The following MTOR variants were observed in gnomAD, a reference collection of about 807,000 sequenced individuals.
The protein encoded by MTOR is mechanistic target of rapamycin kinase, also known as serine/threonine-protein kinase mTOR.
A neutral mutation model predicts 319.8 loss-of-function variants in MTOR; 70 were observed. The observed-to-expected ratio is 0.22, with a 90% CI of 0.18 to 0.27. MTOR has a LOEUF of 0.27. Ranked by LOEUF, MTOR falls within the 10% of genes least tolerant of loss-of-function variation. The pLI, the probability that MTOR is intolerant of heterozygous loss-of-function variation, is 1.00. For synonymous variants in MTOR, 1,183 were observed against 1,211.4 expected (o/e 0.98, Z 0.49); for missense variants, 1,890 against 3,274.4 (o/e 0.58, Z 10.32).
At chr1:11,252,190 C>T (rs1025996347) in intron 6 of MTOR, among the ~76,000 whole-genome samples, 1 of 152,084 alleles carries the variant, frequency 6.6e-6, no homozygotes, top group Non-Finnish European at 1.5e-5. Flanking sequence ...GTTATAACAC[C>T]TTATACAAAG....
intron 26 of MTOR, 121 bp downstream of exon 26, chr1:11,204,440 A>T (rs1646074718): frequency 7.6e-7 from 1 of 1,322,350 alleles, no homozygotes; most frequent in Non-Finnish European, 1.0e-6. Flanking sequence ...CTTTCTTTGT[A>T]TCCCACAAAA....
rs777896603 is a variant in MTOR at position 11,127,040 on chromosome 1, C to A, written c.6321G>T (p.Val2107=). The change falls in exon 45 of 58, where the codon GTG becomes GTT. Residue 2107 remains valine, a synonymous_variant. Coordinates refer to ENST00000361445, the MANE Select transcript of MTOR (RefSeq NM_004958.4). The surrounding 1 kb of genome is among the most constrained non-coding windows in gnomAD (Gnocchi z 5.5). ...GCAGCTGCTTTGAGATTCGTCGGAA[C>A]ACATGATAATAGAGGTCCCAGGCTT... The part of the protein sequence containing the change: ...LTQAWDLYYH[V]FRRISKQLPQ... 1 of 1,614,196 alleles carries A rather than the reference C, an allele frequency of 6.2e-7. No individual in the cohort carries two copies. Among genetic ancestry groups the A allele is most frequent in the East Asian group, 2.2e-5 (1 of 44,888 alleles).
chr1:11,198,566 T>C (rs1258714730), intron 28 of MTOR, among the ~76,000 whole-genome samples: 2 of 152,202 alleles, frequency 1.3e-5, no homozygotes, highest in African/African-American at 2.4e-5. Flanking sequence ...CCATTTAGCA[T>C]TCACATGAAG....
rs77462119 is a variant in MTOR, at chr1:11,124,386, C to A, written c.6662+112G>T. 2,884 of 1,381,642 alleles carry A rather than the reference C, an allele frequency of 2.1e-3. 58 individuals carry two copies. In the African/African-American group the frequency reaches 0.038, roughly 18 times the overall value. 85.6% of individuals were successfully genotyped at this position (1,381,642 alleles called of 1,614,324 possible). On this transcript the variant is annotated intron_variant, in intron 47 of 57. Coordinates refer to ENST00000361445, the MANE Select transcript of MTOR (RefSeq NM_004958.4). Reference sequence around the variant, plus strand: ...TACAGGCATGAGTTACCATGCCTGGCTCCCTAATTTTATAGTTTTTTGTTA... The same window carrying A: ...TACAGGCATGAGTTACCATGCCTGGATCCCTAATTTTATAGTTTTTTGTTA...
intron 28 of MTOR, among the ~76,000 whole-genome samples, chr1:11,173,508 C>A (rs1644889272): frequency 6.6e-6 from 1 of 151,994 alleles, no homozygotes; most frequent in Admixed American, 6.6e-5. Flanking sequence ...GTCTCGAACT[C>A]CTGAGCTCAA....
Position 11,229,850 on chromosome 1 carries a change from G to A in MTOR, c.2780-932C>T, listed in dbSNP as rs995845108. ...AAAGTATCGAGGTGTGGTGGCACAC[G>A]CCTGTAGTCCCAGCTACTTGAGGGG... On this transcript the variant is annotated intron_variant, in intron 18 of 57. Coordinates refer to ENST00000361445, the MANE Select transcript of MTOR (RefSeq NM_004958.4). 4.6e-5 allele frequency among the ~76,000 whole-genome samples: 7 copies of A among 152,084 alleles called. No homozygotes were observed. In the East Asian group the frequency reaches 1.2e-3, roughly 25 times the overall value.
At chr1:11,152,256 A>G (rs1644173581) in intron 30 of MTOR, 1 of 152,224 alleles carries the variant, frequency 6.6e-6, no homozygotes, top group Non-Finnish European at 1.5e-5. Flanking sequence ...TGTTTTTCTG[A>G]TACCTTTCAC....
At chr1:11,147,603 A>G (rs1252712344) in intron 31 of MTOR, among the ~76,000 whole-genome samples, 2 of 152,234 alleles carry the variant, frequency 1.3e-5, no homozygotes, top group Non-Finnish European at 2.9e-5. Context: ...ACAAGCAAAT[A>G]GCTAACAATG....
intron 26 of MTOR, among the ~76,000 whole-genome samples, chr1:11,203,475 G>A (rs1646044703): frequency 6.6e-6 from 1 of 152,106 alleles, no homozygotes; most frequent in Non-Finnish European, 1.5e-5. Flanking sequence ...AGGAGTTGAA[G>A]ACCAGCCTGG....
At chr1:11,258,096 A>C (rs746907583) in intron 3 of MTOR, among the ~76,000 whole-genome samples, 31 of 139,068 alleles carry the variant, frequency 2.2e-4, no homozygotes, top group Admixed American at 9.3e-4. Flanking sequence ...GGCAAGAGTG[A>C]GACTCCATCT....
intron 28 of MTOR, chr1:11,190,024 T>C: frequency 6.6e-7 from 1 of 1,526,404 alleles, no homozygotes; most frequent in Non-Finnish European, 8.8e-7. Flanking sequence ...CTACATATCC[T>C]GGTCATCAGA....
chr1:11,188,468 A>T (rs1488026997), intron 28 of MTOR, among the ~76,000 whole-genome samples: 1 of 152,220 alleles, frequency 6.6e-6, no homozygotes, highest in East Asian at 1.9e-4. Context: ...ATTAGGTGAC[A>T]GGGATTCTTT....
At chr1:11,170,708 T>TG (rs1216496658) in intron 28 of MTOR, among the ~76,000 whole-genome samples, 10 of 150,630 alleles carry the variant, frequency 6.6e-5, no homozygotes, top group African/African-American at 2.5e-4. Flanking sequence ...TTTTGAGAGA[T>TG]GGAGTTTCAC....
chr1:11,129,060 T>C lies in MTOR; in HGVS notation c.5715-109A>G. On this transcript the variant is annotated intron_variant, in intron 40 of 57. Coordinates refer to ENST00000361445, the MANE Select transcript of MTOR (RefSeq NM_004958.4). The surrounding 1 kb of genome is among the most constrained non-coding windows in gnomAD (Gnocchi z 4.7). ...GAGAGCTGGCAGGGACTCCAACCAG[T>C]AACTCTCAAATGTGTTTGGCCTCCC... The C allele has an allele frequency of 2.3e-6, 2 of 858,782 alleles. No homozygotes were observed. The highest frequency in any genetic ancestry group is 3.7e-6 in the Non-Finnish European group (2 of 536,612). The allele number at this position is 858,782 out of a possible 1,614,324, so 53.2% of individuals were successfully genotyped here. A position where few individuals can be genotyped will look rare whatever the true frequency, so the allele number is the denominator to read the frequency against.
chr1:11,245,406 A>C (rs1010238085), intron 8 of MTOR, among the ~76,000 whole-genome samples: 3 of 152,234 alleles, frequency 2.0e-5, no homozygotes, highest in African/African-American at 7.2e-5. Flanking sequence ...ACAATGAATT[A>C]GACTTCTAAA....
Position 11,209,296 on chromosome 1 carries a change from G to A in MTOR, c.3801+16C>T. 1 of 1,614,004 alleles carries A rather than the reference G, an allele frequency of 6.2e-7. No homozygotes were observed. Among genetic ancestry groups the A allele is most frequent in the East Asian group, 2.2e-5 (1 of 44,892 alleles). On this transcript the variant is annotated intron_variant, in intron 25 of 57. Transcript: ENST00000361445. Reference sequence around the variant, plus strand: ...CAGAGCTCTCCTTTCCCAGTCACCTGAAACAATGGACTTGCCTTTTGGAGG... The same window carrying A: ...CAGAGCTCTCCTTTCCCAGTCACCTAAAACAATGGACTTGCCTTTTGGAGG...
intron 34 of MTOR, among the ~76,000 whole-genome samples, chr1:11,142,838 C>T (rs1320444489): frequency 6.6e-6 from 1 of 152,190 alleles, no homozygotes; most frequent in Non-Finnish European, 1.5e-5. Context: ...TCTAACTGCC[C>T]TATGGGAGGG....
At chr1:11,198,034 G>C (rs997947497) in intron 28 of MTOR, among the ~76,000 whole-genome samples, 2 of 152,148 alleles carry the variant, frequency 1.3e-5, no homozygotes, top group Non-Finnish European at 2.9e-5. Context: ...AAAAATTAAG[G>C]GTGGAATTGG....
chr1:11,233,883 T>C (rs895854723), intron 14 of MTOR, among the ~76,000 whole-genome samples: 1 of 152,166 alleles, frequency 6.6e-6, no homozygotes, highest in African/African-American at 2.4e-5. Context: ...TCTACCTACT[T>C]CTCCTTTCCA....
Sources: allele counts gnomAD v4.1 joint callset (sites outside exome capture counted in the v4.1 genomes callset), GRCh38; gene constraint gnomAD v4.1.1; non-coding constraint Gnocchi (gnomAD v3.1); transcripts MANE v1.5; gene names NCBI Gene and HGNC (gene_info 2026-07-23, HGNC 2026-07-21).